SLC4A10: variants seen among roughly 807,000 people sequenced by gnomAD.
SLC4A10 encodes the protein sodium-driven chloride bicarbonate exchanger.
Under a neutral mutation model 137.7 loss-of-function variants are expected in SLC4A10, and 42 were observed. That is an observed-to-expected ratio of 0.30 (90% CI 0.24 to 0.39). The LOEUF is 0.39. Ranked by LOEUF, SLC4A10 falls within the 10% of genes least tolerant of loss-of-function variation. SLC4A10 has a pLI of 1.00. For synonymous variants in SLC4A10, 474 were observed against 464.1 expected, an observed-to-expected ratio of 1.02 and a Z score of -0.27; for missense variants, 925 against 1,355.0, an observed-to-expected ratio of 0.68 and a Z score of 4.98.
intron 1 of SLC4A10, among the ~76,000 whole-genome samples, chr2:161,689,079 T>C (rs1027745008): frequency 3.9e-5 from 6 of 152,170 alleles, no homozygotes; most frequent in Admixed American, 2.0e-4. Flanking sequence ...AGCTGTACAA[T>C]GTGTTTGTAT....
At chr2:161,898,224 A>G (rs1444505614) in intron 11 of SLC4A10, among the ~76,000 whole-genome samples, 1 of 152,104 alleles carries the variant, frequency 6.6e-6, no homozygotes, top group African/African-American at 2.4e-5. Flanking sequence ...CTATCCAGTA[A>G]TCAAGCCACT....
At chr2:161,803,992 C>G (rs2055650414) in intron 2 of SLC4A10, among the ~76,000 whole-genome samples, 1 of 151,978 alleles carries the variant, frequency 6.6e-6, no homozygotes, top group South Asian at 2.1e-4. Context: ...AATAGGAAAA[C>G]AGAAAAACCT....
At chr2:161,766,872 T>C (rs1397831813) in intron 1 of SLC4A10, among the ~76,000 whole-genome samples, 1 of 151,348 alleles carries the variant, frequency 6.6e-6, no homozygotes, top group Admixed American at 6.6e-5. Context: ...TAACTCTGAT[T>C]GCAAACACTT....
intron 3 of SLC4A10, among the ~76,000 whole-genome samples, chr2:161,835,950 C>T (rs2058739035): frequency 6.6e-6 from 1 of 152,174 alleles, no homozygotes; most frequent in Admixed American, 6.6e-5. Context: ...TGGTCCCATC[C>T]TTCTGCTTTG....
intron 6 of SLC4A10, among the ~76,000 whole-genome samples, chr2:161,870,133 A>T (rs977923762): frequency 6.7e-6 from 1 of 150,354 alleles, no homozygotes; most frequent in Non-Finnish European, 1.5e-5. Flanking sequence ...CTCAAAATAT[A>T]TTATTATAAT....
intron 1 of SLC4A10, among the ~76,000 whole-genome samples, chr2:161,767,439 A>G (rs1281688739): frequency 6.6e-6 from 1 of 151,470 alleles, no homozygotes; most frequent in East Asian, 2.0e-4. Context: ...CACCTCATTT[A>G]CCAGTTCAGT....
chr2:161,737,920 G>A (rs1285712957), intron 1 of SLC4A10, among the ~76,000 whole-genome samples: 4 of 152,310 alleles, frequency 2.6e-5, no homozygotes, highest in Admixed American at 6.5e-5. Flanking sequence ...GAAAGCCAGA[G>A]TTGGCACATT....
chr2:161,969,471 C>T (rs957901327), intron 23 of SLC4A10, among the ~76,000 whole-genome samples: 2 of 152,178 alleles, frequency 1.3e-5, no homozygotes, highest in African/African-American at 4.8e-5. Flanking sequence ...TCCAAATGTG[C>T]TCAGAGTACC....
chr2:161,877,797 T>C (rs1380643144), intron 8 of SLC4A10, among the ~76,000 whole-genome samples: 5 of 152,062 alleles, frequency 3.3e-5, no homozygotes, highest in Admixed American at 3.3e-4. Flanking sequence ...AGTTTTGCTT[T>C]GTTAAATCAT....
intron 18 of SLC4A10, among the ~76,000 whole-genome samples, chr2:161,949,530 C>A (rs1694417757): frequency 6.6e-6 from 1 of 151,744 alleles, no homozygotes; most frequent in African/African-American, 2.4e-5. Context: ...ATATAACATT[C>A]TTAAAAGATA....
At chr2:161,813,945 C>T (rs1271901368) in intron 3 of SLC4A10, among the ~76,000 whole-genome samples, 4 of 152,002 alleles carry the variant, frequency 2.6e-5, no homozygotes, top group African/African-American at 7.2e-5. Flanking sequence ...TTGAAAAGTA[C>T]CCCCAGGTGA....
intron 1 of SLC4A10, among the ~76,000 whole-genome samples, chr2:161,695,847 C>T (rs56991084): frequency 6.0e-4 from 91 of 152,274 alleles, no homozygotes; most frequent in African/African-American, 1.8e-3. Flanking sequence ...TTCAAAGGAA[C>T]AAATGTTTAG....
chr2:161,897,715 T>C (rs62188817), intron 11 of SLC4A10, among the ~76,000 whole-genome samples: 10,399 of 152,190 alleles, frequency 0.068, 458 homozygotes, highest in East Asian at 0.13. Flanking sequence ...AATAATTAAT[T>C]GTAGGGTTTA....
intron 3 of SLC4A10, among the ~76,000 whole-genome samples, chr2:161,807,546 C>A (rs995305586): frequency 2.0e-5 from 3 of 152,124 alleles, no homozygotes; most frequent in African/African-American, 7.2e-5. Flanking sequence ...AGCTACTTAA[C>A]CCCTCTACTT....
chr2:161,944,606 T>C (rs982755530), intron 16 of SLC4A10, among the ~76,000 whole-genome samples: 12 of 151,652 alleles, frequency 7.9e-5, no homozygotes, highest in African/African-American at 2.9e-4. Context: ...CTCTTTTTTT[T>C]TGTCATTTTA....
At chr2:161,970,552 G>A (rs567792619) in intron 23 of SLC4A10, among the ~76,000 whole-genome samples, 19 of 152,274 alleles carry the variant, frequency 1.2e-4, no homozygotes, top group South Asian at 1.2e-3. Context: ...TTCTTAAGAC[G>A]TGAATTCTAA....
At chr2:161,656,385 G>T (rs2037534768) in intron 1 of SLC4A10, among the ~76,000 whole-genome samples, 1 of 152,098 alleles carries the variant, frequency 6.6e-6, no homozygotes, top group Admixed American at 6.5e-5. Flanking sequence ...GTATTAAGTA[G>T]TGAATGAATT....
intron 15 of SLC4A10, among the ~76,000 whole-genome samples, chr2:161,909,879 T>A (rs1685416279): frequency 6.6e-6 from 1 of 152,198 alleles, no homozygotes; most frequent in Non-Finnish European, 1.5e-5. Flanking sequence ...TTTTAGTGGC[T>A]TTCTTGTTAC....
chr2:161,697,608 A>T (rs1004957706), intron 1 of SLC4A10, among the ~76,000 whole-genome samples: 2 of 152,190 alleles, frequency 1.3e-5, no homozygotes, highest in African/African-American at 4.8e-5. Context: ...CAAAGATCAG[A>T]TGGCTGTAGA....
Sources: gnomAD v4.1 joint callset for allele counts (sites outside exome capture counted in the v4.1 genomes callset) on GRCh38, gnomAD v4.1.1 for gene constraint, MANE v1.5 for transcripts, NCBI Gene and HGNC (gene_info 2026-07-23, HGNC 2026-07-21) for gene names.